Variants in SLC8A1 observed in about 807,000 individuals in gnomAD.
The protein encoded by SLC8A1 is sodium/calcium exchanger 1.
SLC8A1 carries 18 observed loss-of-function variants against 68.3 expected under a neutral mutation model. The ratio of observed to expected loss-of-function variants is 0.26; its 90% CI spans 0.18 to 0.39. The LOEUF (loss-of-function observed/expected upper bound fraction) is 0.39, where lower values mean the gene tolerates loss of function less well. SLC8A1 is among the 10% of genes least tolerant of loss of function. The probability of loss-of-function intolerance (pLI) is 1.00; values close to 1 mark genes in which losing one functional copy is unlikely to be tolerated. For missense variants in SLC8A1, 985 were observed against 1,156.7 expected (o/e 0.85, Z 2.15); for synonymous variants, 475 against 415.5 (o/e 1.14, Z -1.74).
chr2:40,388,446 G>A (rs988018024), intron 2 of SLC8A1, among the ~76,000 whole-genome samples: 1 of 152,114 alleles, frequency 6.6e-6, no homozygotes, highest in Non-Finnish European at 1.5e-5. Flanking sequence ...AAATACTGAA[G>A]AGCATCTCCT....
chr2:40,257,981 T>TA (rs1295242420), intron 2 of SLC8A1, among the ~76,000 whole-genome samples: 27 of 152,338 alleles, frequency 1.8e-4, no homozygotes, highest in East Asian at 3.9e-4. Context: ...GTGCCTGCTC[T>TA]GACAGGCACT....
intron 2 of SLC8A1, among the ~76,000 whole-genome samples, chr2:40,391,513 T>A (rs1685254676): frequency 6.6e-6 from 1 of 152,178 alleles, no homozygotes; most frequent in East Asian, 1.9e-4. Context: ...GAAGTAATCA[T>A]AGAGCCATAA....
chr2:40,123,434 T>C (rs2037366874), intron 7 of SLC8A1, among the ~76,000 whole-genome samples: 1 of 152,220 alleles, frequency 6.6e-6, no homozygotes, highest in African/African-American at 2.4e-5. Flanking sequence ...GATAATTCTC[T>C]GATAAGGAAA....
chr2:40,257,617 G>A (rs914080042), intron 2 of SLC8A1, among the ~76,000 whole-genome samples: 1 of 152,144 alleles, frequency 6.6e-6, no homozygotes, highest in African/African-American at 2.4e-5. Flanking sequence ...TGACAATCTA[G>A]TCTTTACTGG....
chr2:40,435,468 C>T (rs1330037721), intron 1 of SLC8A1, among the ~76,000 whole-genome samples: 2 of 152,064 alleles, frequency 1.3e-5, no homozygotes, highest in Non-Finnish European at 2.9e-5. Context: ...TTTTCCCTTC[C>T]AAAGAAAGTT....
At chr2:40,423,066 T>C (rs939074109) in intron 2 of SLC8A1, among the ~76,000 whole-genome samples, 1 of 152,116 alleles carries the variant, frequency 6.6e-6, no homozygotes. Context: ...GTTCTACAAA[T>C]AGCAATCCTT....
intron 2 of SLC8A1, among the ~76,000 whole-genome samples, chr2:40,400,289 A>G (rs910170189): frequency 6.6e-6 from 1 of 152,048 alleles, no homozygotes; most frequent in East Asian, 1.9e-4. Flanking sequence ...ATTCATCACT[A>G]CATTTATTTC....
chr2:40,427,344 C>T (rs904055674), intron 2 of SLC8A1, among the ~76,000 whole-genome samples: 3 of 152,152 alleles, frequency 2.0e-5, no homozygotes, highest in Non-Finnish European at 4.4e-5. Context: ...TTTGGCATAT[C>T]ATATGCCATT....
rs17025153 is a variant in SLC8A1, at chr2:40,124,125, G to A, written c.2438-8496C>T. Among the ~76,000 whole-genome samples, 685 of 152,320 alleles carry A rather than the reference G, an allele frequency of 4.5e-3. 9 individuals are homozygous for A. Among genetic ancestry groups the A allele is most frequent in the African/African-American group, 0.016 (650 of 41,570 alleles). On this transcript the variant is annotated intron_variant, in intron 7 of 7. Coordinates refer to ENST00000406785, the Ensembl canonical transcript of SLC8A1. ...TGTCTTGCTAGAGCTAGCTGAGAAG[G>A]ATCAGATAGAGAAACTGTACTCTAA...
At chr2:40,416,428 T>G (rs1198035866) in intron 2 of SLC8A1, among the ~76,000 whole-genome samples, 1 of 150,280 alleles carries the variant, frequency 6.7e-6, no homozygotes, top group African/African-American at 2.5e-5. Flanking sequence ...GCAAATAACT[T>G]TACTTTAAAA....
At chr2:40,170,492 T>TCAC in intron 4 of SLC8A1, 143 bp from the exon 7 acceptor site, 1 of 698,956 alleles carries the variant, frequency 1.4e-6, no homozygotes, top group Non-Finnish European at 2.5e-6. Flanking sequence ...TGATCATAGG[T>TCAC]CACCCCTAGG....
intron 1 of SLC8A1, among the ~76,000 whole-genome samples, chr2:40,431,097 G>A (rs1698179011): frequency 6.6e-6 from 1 of 152,098 alleles, no homozygotes; most frequent in Admixed American, 6.6e-5. Flanking sequence ...ATTAGCAGCT[G>A]GGCATCTGGT....
chr2:40,303,624 T>C (rs964284407), intron 2 of SLC8A1, among the ~76,000 whole-genome samples: 3 of 152,196 alleles, frequency 2.0e-5, no homozygotes, highest in Admixed American at 2.0e-4. Flanking sequence ...TGGCAATCAG[T>C]TGACTTGCAA....
chr2:40,277,103 A>AAGTTACT (rs2066799280), intron 2 of SLC8A1, among the ~76,000 whole-genome samples: 1 of 152,212 alleles, frequency 6.6e-6, no homozygotes, highest in Non-Finnish European at 1.5e-5. Context: ...GAGGAAGAGA[A>AAGTTACT]AGTTACTATA....
chr2:40,505,011 G>A (rs1159185376), intron 1 of SLC8A1, among the ~76,000 whole-genome samples: 1 of 151,970 alleles, frequency 6.6e-6, no homozygotes, highest in East Asian at 1.9e-4. Context: ...GTACTCCTAT[G>A]TTTGTTGCAG....
At position 40,186,664 on chromosome 2, in the gene SLC8A1, G is replaced by A. The variant is rs376679; in HGVS notation, c.1809-8809C>T. On this transcript the variant is annotated intron_variant, in intron 2 of 7. Transcript: ENST00000406785. ...ACTTAAATCTATTGTTTCCTTTCTC[G>A]AAATCTTGAGAGAATTAATCCAGAA... is the stretch of plus-strand genomic sequence containing the variant. Among the ~76,000 whole-genome samples the A allele has an allele frequency of 5.1e-4, 78 of 152,148 alleles. 2 individuals carry two copies. The East Asian group carries it at 0.013, about 26-fold the overall frequency.
At chr2:40,136,186 T>G (rs1201164737) in intron 7 of SLC8A1, among the ~76,000 whole-genome samples, 2 of 152,106 alleles carry the variant, frequency 1.3e-5, no homozygotes, top group Non-Finnish European at 2.9e-5. Context: ...GTCTGAAAAA[T>G]GGTGATTTGG....
intron 2 of SLC8A1, among the ~76,000 whole-genome samples, chr2:40,414,104 ATG>A (rs933964932): frequency 4.6e-5 from 7 of 152,188 alleles, no homozygotes; most frequent in African/African-American, 1.7e-4. Context: ...TCTAATATAA[ATG>A]TGTTGCTCAT....
chr2:40,281,185 G>T (rs964004009), intron 2 of SLC8A1, among the ~76,000 whole-genome samples: 2 of 152,038 alleles, frequency 1.3e-5, no homozygotes, highest in Non-Finnish European at 2.9e-5. Flanking sequence ...CCAGGGATGG[G>T]GCAGAAGAAA....
Sources: gnomAD v4.1 joint callset for allele counts (sites outside exome capture counted in the v4.1 genomes callset) on GRCh38, gnomAD v4.1.1 for gene constraint, MANE v1.5 for transcripts, NCBI Gene and HGNC (gene_info 2026-07-23, HGNC 2026-07-21) for gene names.